The following ATXN7L1 variants were observed in gnomAD, a reference collection of about 807,000 sequenced individuals.
ATXN7L1 encodes the protein ataxin 7 like 1.
In ATXN7L1, 15 loss-of-function variants were observed where a neutral mutation model predicts 70.8. The ratio of observed to expected loss-of-function variants is 0.21; its 90% CI spans 0.14 to 0.33. ATXN7L1 has a LOEUF of 0.33. ATXN7L1 is among the 10% of genes least tolerant of loss of function. ATXN7L1 has a pLI of 1.00. For missense variants in ATXN7L1, 975 were observed against 1,097.1 expected (o/e 0.89, Z 1.57); for synonymous variants, 440 against 445.1 (o/e 0.99, Z 0.14).
chr7:105,771,666 A>G (rs1802028225), intron 3 of ATXN7L1, among the ~76,000 whole-genome samples: 1 of 152,216 alleles, frequency 6.6e-6, no homozygotes, highest in South Asian at 2.1e-4. Flanking sequence ...GTTTTGGGCC[A>G]TGATTTCAAT....
intron 3 of ATXN7L1, among the ~76,000 whole-genome samples, chr7:105,736,692 G>A (rs1454433622): frequency 2.6e-5 from 4 of 152,154 alleles, no homozygotes; most frequent in South Asian, 2.1e-4. Flanking sequence ...TTCCCCTAAA[G>A]CAATTGTTCC....
chr7:105,710,369 G>A lies in ATXN7L1; in HGVS notation c.356-45081C>T, dbSNP rs545581411. Among the ~76,000 whole-genome samples, 9 of 150,780 alleles carry A rather than the reference G, an allele frequency of 6.0e-5. 1 individual carries two copies. In the South Asian group the frequency reaches 1.5e-3, roughly 25 times the overall value. ...CACGTCTTACTATGGAGGAGCAGGA[G>A]AGAGAAACAGTGAAGAGGGAGGTGC... On this transcript the variant is annotated intron_variant, in intron 3 of 11. Coordinates refer to ENST00000419735, the MANE Select transcript of ATXN7L1 (RefSeq NM_020725.2).
chr7:105,699,437 A>C (rs1029034512), intron 3 of ATXN7L1, among the ~76,000 whole-genome samples: 10 of 152,198 alleles, frequency 6.6e-5, no homozygotes, highest in African/African-American at 2.4e-4. Context: ...CGGCCATTCC[A>C]CTGTATTTTG....
intron 2 of ATXN7L1, among the ~76,000 whole-genome samples, chr7:105,801,257 A>G (rs2116515544): frequency 6.6e-6 from 1 of 152,336 alleles, no homozygotes; most frequent in Non-Finnish European, 1.5e-5. Flanking sequence ...CACTGTTAAA[A>G]GTCACCAGAC....
At chr7:105,690,973 CCATCTTGCAGTCAAT>C (rs1274698019) in intron 3 of ATXN7L1, among the ~76,000 whole-genome samples, 8 of 152,172 alleles carry the variant, frequency 5.3e-5, no homozygotes, top group Non-Finnish European at 1.0e-4. Context: ...AGCCCATATG[CCATCTTGCAGTCAAT>C]CATCCTTTTA....
chr7:105,700,309 C>CTGAGGCCAGG (rs1355889459), intron 3 of ATXN7L1, among the ~76,000 whole-genome samples: 1 of 152,012 alleles, frequency 6.6e-6, no homozygotes, highest in African/African-American at 2.4e-5. Flanking sequence ...AGTTCGATAC[C>CTGAGGCCAGG]AGCCTGGCCG....
intron 3 of ATXN7L1, among the ~76,000 whole-genome samples, chr7:105,695,176 AC>A (rs1360937089): frequency 6.6e-6 from 1 of 152,046 alleles, no homozygotes; most frequent in East Asian, 1.9e-4. Context: ...AGTCCCAGCT[AC>A]TCGGGAGGCT....
intron 3 of ATXN7L1, among the ~76,000 whole-genome samples, chr7:105,690,232 C>T (rs1038250095): frequency 5.9e-5 from 9 of 151,758 alleles, no homozygotes; most frequent in Non-Finnish European, 1.0e-4. Context: ...CTCGAACTCC[C>T]GACCTCAGGT....
At chr7:105,707,786 C>A (rs1289593773) in intron 3 of ATXN7L1, among the ~76,000 whole-genome samples, 1 of 152,232 alleles carries the variant, frequency 6.6e-6, no homozygotes, top group Non-Finnish European at 1.5e-5. Flanking sequence ...GAAAAATCCA[C>A]TGAAGTGCTG....
intron 3 of ATXN7L1, among the ~76,000 whole-genome samples, chr7:105,747,964 A>G (rs761188697): frequency 1.2e-4 from 18 of 152,094 alleles, no homozygotes; most frequent in Non-Finnish European, 2.5e-4. Context: ...TACTAAAAAT[A>G]CAAAATTAGC....
chr7:105,641,930 CCCACAATTCCTTGGGTGCTTAAAAATCA>C (rs1798316073), intron 5 of ATXN7L1, among the ~76,000 whole-genome samples: 1 of 152,168 alleles, frequency 6.6e-6, no homozygotes, highest in Non-Finnish European at 1.5e-5. Context: ...ATAAAAATTA[CCCACAATTCCTTGGGTGCTTAAAAATCA>C]AGCTTAACCC....
intron 3 of ATXN7L1, chr7:105,691,466 G>A (rs1790819377): frequency 6.6e-6 from 1 of 151,598 alleles, no homozygotes; most frequent in African/African-American, 2.4e-5. Flanking sequence ...ATGCATCCCC[G>A]TTTCTTCAAA....
chr7:105,624,401 C>G (rs780623663), intron 7 of ATXN7L1, 134 bp from the exon 8 acceptor site: 3 of 921,098 alleles, frequency 3.3e-6, no homozygotes, highest in Non-Finnish European at 4.3e-6. Context: ...CCTGTAATCC[C>G]GGCACTTTGG....
chr7:105,776,777 C>CT (rs796366065), intron 3 of ATXN7L1, among the ~76,000 whole-genome samples: 134 of 149,592 alleles, frequency 9.0e-4, no homozygotes, highest in African/African-American at 2.9e-3. Context: ...ATCCCAGACA[C>CT]TTTTTTTTTT....
rs537366917 is a variant in ATXN7L1, at chr7:105,876,593, G to GGGGA, written c.-39_-36dup. The GGGGA allele has an allele frequency of 2.1e-5, 32 of 1,539,498 alleles. No homozygotes were observed. The South Asian group carries it at 3.6e-4, about 17-fold the overall frequency. On this transcript the variant is annotated 5_prime_UTR_variant, in exon 1 of 12. Transcript: ENST00000419735. ...GTTCCGACATTGAGTGTTCTGAAAG[G>GGGGA]GGGAGGGAGGGAGGAAGGGCGGGAT...
chr7:105,859,276 A>C (rs972891622), intron 2 of ATXN7L1, among the ~76,000 whole-genome samples: 9 of 152,342 alleles, frequency 5.9e-5, no homozygotes, highest in Admixed American at 4.6e-4. Flanking sequence ...TGAGGCTCTG[A>C]GAATTTAAGT....
chr7:105,807,030 T>G (rs778475374), intron 2 of ATXN7L1, among the ~76,000 whole-genome samples: 6 of 152,226 alleles, frequency 3.9e-5, no homozygotes, highest in Non-Finnish European at 5.9e-5. Context: ...CCTGGCCTCC[T>G]GGGCCAGGGC....
chr7:105,690,168 C>A (rs945092590), intron 3 of ATXN7L1, among the ~76,000 whole-genome samples: 4 of 152,114 alleles, frequency 2.6e-5, no homozygotes, highest in Middle Eastern at 3.2e-3. Context: ...CCATGCCCAG[C>A]TAATTTTTGT....
chr7:105,643,456 G>A (rs367949423), intron 4 of ATXN7L1, among the ~76,000 whole-genome samples: 4 of 152,210 alleles, frequency 2.6e-5, no homozygotes, highest in East Asian at 3.8e-4. Flanking sequence ...AGAACAAGGC[G>A]CCTGTTGTGA....
Sources: gnomAD v4.1 joint callset for allele counts (sites outside exome capture counted in the v4.1 genomes callset) on GRCh38, gnomAD v4.1.1 for gene constraint, MANE v1.5 for transcripts, NCBI Gene and HGNC (gene_info 2026-07-23, HGNC 2026-07-21) for gene names.